ADAM23: variants seen among roughly 807,000 people sequenced by gnomAD.
ADAM23 encodes the protein ADAM metallopeptidase domain 23.
ADAM23 carries 33 observed loss-of-function variants against 120.1 expected under a neutral mutation model. The ratio of observed to expected loss-of-function variants is 0.27; its 90% confidence interval spans 0.21 to 0.37. The LOEUF is 0.37. Ranked by LOEUF, ADAM23 falls within the 10% of genes least tolerant of loss-of-function variation. ADAM23 has a pLI of 1.00. For missense variants in ADAM23, 862 were observed against 1,058.2 expected (o/e 0.81, Z 2.57); for synonymous variants, 367 against 375.2 (o/e 0.98, Z 0.25).
chr2:206,588,300 A>C, intron 20 of ADAM23, 146 bp downstream of exon 20: 1 of 885,104 alleles, frequency 1.1e-6, no homozygotes, highest in Non-Finnish European at 1.7e-6. Context: ...AGAACTGTGA[A>C]TCTTAGTCAC....
At chr2:206,564,322 AGTTGTAATT>A (rs1213425565) in intron 13 of ADAM23, among the ~76,000 whole-genome samples, 1 of 152,162 alleles carries the variant, frequency 6.6e-6, no homozygotes, top group Admixed American at 6.5e-5. Context: ...ATCGAAGTTA[AGTTGTAATT>A]GTTTTTAAGT....
Position 206,445,535 on chromosome 2 carries a change from G to T in ADAM23, c.432+11G>T, listed in dbSNP as rs1482944831. On this transcript the variant is annotated intron_variant, in intron 2 of 25. Coordinates refer to ENST00000264377, the MANE Select transcript of ADAM23 (RefSeq NM_003812.4). The stretch of plus-strand genomic sequence containing the variant: ...CAAAAACATAATAAGGTAGGCAGGA[G>T]GCTGGCTATGCAAAAGTAACTATCA... The T allele has an allele frequency of 6.2e-7, 1 of 1,601,514 alleles. No homozygotes were observed. The highest frequency in any genetic ancestry group is 1.3e-5 in the African/African-American group (1 of 74,346).
In ADAM23 at chr2:206,547,415, T is replaced by C. The variant is rs766040493; in HGVS notation, c.721-14T>C. 6.2e-7 allele frequency: 1 copy of C among 1,608,356 alleles called. No homozygotes were observed. ...ATCTTGCTTTCTAAATTGCCTACAATTGTTTTGTTTCAGAAAAGCACAGGT... is the reference window on the plus strand; with the variant it reads ...ATCTTGCTTTCTAAATTGCCTACAACTGTTTTGTTTCAGAAAAGCACAGGT... On this transcript the variant is annotated splice_polypyrimidine_tract_variant and intron_variant, in intron 6 of 25. Coordinates refer to ENST00000264377, the MANE Select transcript of ADAM23 (RefSeq NM_003812.4).
chr2:206,472,854 G>A (rs1695689111), intron 2 of ADAM23, among the ~76,000 whole-genome samples: 1 of 152,086 alleles, frequency 6.6e-6, no homozygotes. Context: ...GGCTAGGTTG[G>A]CACAGAGAAC....
At chr2:206,465,744 C>T (rs1695529842) in intron 2 of ADAM23, among the ~76,000 whole-genome samples, 1 of 152,054 alleles carries the variant, frequency 6.6e-6, no homozygotes. Context: ...AATTTTGAAG[C>T]ACTGTGAATT....
At chr2:206,479,676 CTCTCTCTCTCTCTT>C (rs1333631204) in intron 2 of ADAM23, among the ~76,000 whole-genome samples, 1 of 152,006 alleles carries the variant, frequency 6.6e-6, no homozygotes, top group Admixed American at 6.6e-5. Flanking sequence ...AGAAGTTTCT[CTCTCTCTCTCTCTT>C]TCTCTCTCTC....
chr2:206,561,897 TA>T (rs1697775503), intron 12 of ADAM23, among the ~76,000 whole-genome samples: 1 of 152,214 alleles, frequency 6.6e-6, no homozygotes, highest in Non-Finnish European at 1.5e-5. Flanking sequence ...TCTCTTGACA[TA>T]TTTTAGTAAG....
At chr2:206,610,384 A>G (rs1294367067) in intron 25 of ADAM23, among the ~76,000 whole-genome samples, 1 of 152,244 alleles carries the variant, frequency 6.6e-6, no homozygotes, top group East Asian at 1.9e-4. Flanking sequence ...TTTGTAGTCC[A>G]CTGATATTTT....
rs1413482818 is a variant in ADAM23 at position 206,615,700 on chromosome 2, CCT to C, written c.2451-1874_2451-1873del. Reference sequence around the variant, plus strand: ...GATACAGTTCTGCAGGATGGCTCAGCCTCTCTGTCTGGCCTGGGAACCCAGTG... The same window carrying C: ...GATACAGTTCTGCAGGATGGCTCAGCCTCTGTCTGGCCTGGGAACCCAGTG... On this transcript the variant is annotated intron_variant, in intron 25 of 25. Transcript: ENST00000264377. Among the ~76,000 whole-genome samples the C allele has an allele frequency of 3.9e-5, 6 of 152,276 alleles. No homozygotes were observed. The East Asian group carries it at 7.7e-4, about 20-fold the overall frequency.
chr2:206,474,906 G>C (rs1350471023), intron 2 of ADAM23, among the ~76,000 whole-genome samples: 1 of 151,984 alleles, frequency 6.6e-6, no homozygotes, highest in Non-Finnish European at 1.5e-5. Context: ...TTTAATCCTC[G>C]CACACATCAT....
chr2:206,456,369 C>T lies in ADAM23; in HGVS notation c.432+10845C>T, dbSNP rs943316235. ...AGATCCAATCACCTCCCACCAGGAC[C>T]CTCCTCTAAAACTGGGGATTACAAT... On this transcript the variant is annotated intron_variant, in intron 2 of 25. Transcript: ENST00000264377. 3.3e-5 allele frequency among the ~76,000 whole-genome samples: 5 copies of T among 152,010 alleles called. No individual in the cohort carries two copies. The East Asian group carries it at 9.7e-4, about 30-fold the overall frequency.
intron 13 of ADAM23, 80 bp from the exon 14 acceptor site, chr2:206,564,940 A>G (rs1697847913): frequency 7.1e-7 from 1 of 1,416,174 alleles, no homozygotes. Flanking sequence ...GAATTATTGT[A>G]GGAGTTGTAA....
intron 3 of ADAM23, among the ~76,000 whole-genome samples, chr2:206,496,895 A>G (rs981255768): frequency 2.0e-5 from 3 of 152,230 alleles, no homozygotes; most frequent in African/African-American, 4.8e-5. Context: ...TAAACTAGAA[A>G]ATCTAGAAGA....
chr2:206,519,468 TG>T (rs1371076005), intron 3 of ADAM23, among the ~76,000 whole-genome samples: 1 of 152,164 alleles, frequency 6.6e-6, no homozygotes, highest in Non-Finnish European at 1.5e-5. Flanking sequence ...GAACAATTTT[TG>T]TGATGCTATG....
At chr2:206,616,297 G>A (rs1445204300) in intron 25 of ADAM23, among the ~76,000 whole-genome samples, 1 of 152,166 alleles carries the variant, frequency 6.6e-6, no homozygotes, top group African/African-American at 2.4e-5. Context: ...CAAGAATGTT[G>A]ACTTAAAAGA....
At chr2:206,559,338 T>G (rs1335777283) in intron 10 of ADAM23, among the ~76,000 whole-genome samples, 1 of 152,124 alleles carries the variant, frequency 6.6e-6, no homozygotes, top group Non-Finnish European at 1.5e-5. Flanking sequence ...GGGCCAAAAA[T>G]AGAGAGAGAG....
At chr2:206,502,371 G>T (rs1696405543) in intron 3 of ADAM23, among the ~76,000 whole-genome samples, 1 of 152,046 alleles carries the variant, frequency 6.6e-6, no homozygotes, top group Admixed American at 6.6e-5. Flanking sequence ...GGATTTAAAA[G>T]AGTTTTTTGT....
Position 206,618,361 on chromosome 2 carries a change from C to G in ADAM23, c.*734C>G, listed in dbSNP as rs1698976052. The G allele has an allele frequency of 6.6e-6, 1 of 152,324 alleles. No homozygotes were observed. Among genetic ancestry groups the G allele is most frequent in the East Asian group, 1.9e-4 (1 of 5,190 alleles). The allele number at this position is 152,324 out of a possible 1,614,324, so 9.4% of individuals were successfully genotyped here. A position where few individuals can be genotyped will look rare whatever the true frequency, so the allele number is the denominator to read the frequency against. On this transcript the variant is annotated 3_prime_UTR_variant, in exon 26 of 26. Transcript: ENST00000264377. ...TTCACTTTCCCCATTGTGTTTTCTC[C>G]TGGACTGAGCATCCTTTGGAAATGG...
At chr2:206,580,421 G>A (rs890867626) in intron 18 of ADAM23, among the ~76,000 whole-genome samples, 1 of 152,098 alleles carries the variant, frequency 6.6e-6, no homozygotes, top group African/African-American at 2.4e-5. Context: ...GAGTTTTAAT[G>A]ATAAAGGGAT....
Sources: allele counts gnomAD v4.1 joint callset (sites outside exome capture counted in the v4.1 genomes callset), GRCh38; gene constraint gnomAD v4.1.1; transcripts MANE v1.5; gene names NCBI Gene and HGNC (gene_info 2026-07-23, HGNC 2026-07-21).